Variants in SCN11A observed in about 807,000 individuals in gnomAD.
SCN11A encodes sodium channel protein type 11 subunit alpha.
In SCN11A, 122 loss-of-function variants were observed where a neutral mutation model predicts 162.2. The observed-to-expected ratio is 0.75, with a 90% confidence interval of 0.65 to 0.87. The LOEUF is 0.87. Among genes scored for constraint, SCN11A ranks in the 40% least tolerant of loss-of-function variants. The pLI is 0.00. For synonymous variants in SCN11A, 758 were observed against 751.5 expected, an observed-to-expected ratio of 1.01 and a Z score of -0.14; for missense variants, 2,015 against 2,181.6, an observed-to-expected ratio of 0.92 and a Z score of 1.52.
intron 7 of SCN11A, among the ~76,000 whole-genome samples, chr3:38,942,734 T>C (rs570226187): frequency 3.3e-5 from 5 of 152,228 alleles, no homozygotes; most frequent in African/African-American, 1.2e-4. Context: ...CTTTATACAA[T>C]TGTATAAGAA....
At chr3:39,000,300 TGTCTGGGTTGGTGTGG>T (rs2030770905) in intron 2 of SCN11A, among the ~76,000 whole-genome samples, 1 of 152,216 alleles carries the variant, frequency 6.6e-6, no homozygotes, top group African/African-American at 2.4e-5. Flanking sequence ...CTTTGATTTG[TGTCTGGGTTGGTGTGG>T]ACTGGGTAGA....
intron 23 of SCN11A, among the ~76,000 whole-genome samples, chr3:38,873,005 G>C (rs970752828): frequency 2.6e-5 from 4 of 152,016 alleles, no homozygotes; most frequent in Non-Finnish European, 5.9e-5. Flanking sequence ...CTCCTTATTG[G>C]GGAATTAAAT....
intron 8 of SCN11A, among the ~76,000 whole-genome samples, chr3:38,926,445 T>C (rs2125553687): frequency 6.6e-6 from 1 of 152,314 alleles, no homozygotes; most frequent in South Asian, 2.1e-4. Flanking sequence ...ATTGTTACTT[T>C]TCCCCTCTGG....
chr3:38,952,680 G>A (rs1017497836), intron 4 of SCN11A, among the ~76,000 whole-genome samples: 1 of 152,230 alleles, frequency 6.6e-6, no homozygotes, highest in Non-Finnish European at 1.5e-5. Flanking sequence ...TAGGATAGGC[G>A]TCTCAACAGG....
chr3:38,846,445 T>C lies in SCN11A; in HGVS notation c.*249A>G. The C allele has an allele frequency of 1.2e-5, 6 of 484,508 alleles. 1 individual carries two copies. The highest frequency in any genetic ancestry group is 2.2e-5 in the Non-Finnish European group (6 of 270,014). The allele number at this position is 484,508 out of a possible 1,614,324, so 30.0% of individuals were successfully genotyped here. ...TTCAATCCTAAAATTGGTATGTCCT[T>C]TTACAGTCCTTCCTGGTGTCTTCTT... On this transcript the variant is annotated 3_prime_UTR_variant, in exon 30 of 30. Coordinates refer to ENST00000302328, the MANE Select transcript of SCN11A (RefSeq NM_001349253.2).
chr3:39,028,391 T>C (rs971440722), intron 2 of SCN11A, among the ~76,000 whole-genome samples: 5 of 152,248 alleles, frequency 3.3e-5, no homozygotes, highest in Non-Finnish European at 7.3e-5. Context: ...TAGATGCTTA[T>C]AACTAGTTCT....
chr3:38,953,118 T>C (rs1291136226), intron 4 of SCN11A, among the ~76,000 whole-genome samples: 1 of 152,010 alleles, frequency 6.6e-6, no homozygotes, highest in Non-Finnish European at 1.5e-5. Flanking sequence ...GGCAGGGATA[T>C]GGATGGAGCT....
At chr3:38,920,432 C>T (rs769348682) in intron 10 of SCN11A, among the ~76,000 whole-genome samples, 1 of 152,120 alleles carries the variant, frequency 6.6e-6, no homozygotes, top group Non-Finnish European at 1.5e-5. Context: ...GTGGCTCACG[C>T]CTGTAATCCC....
At chr3:38,962,920 T>C (rs1355650325) in intron 2 of SCN11A, among the ~76,000 whole-genome samples, 1 of 151,762 alleles carries the variant, frequency 6.6e-6, no homozygotes, top group African/African-American at 2.4e-5. Context: ...TCTCAAAAGA[T>C]ATACAAATGG....
chr3:38,884,046 C>T (rs944462872), intron 21 of SCN11A, among the ~76,000 whole-genome samples: 1 of 152,108 alleles, frequency 6.6e-6, no homozygotes, highest in African/African-American at 2.4e-5. Context: ...CCACATTGCC[C>T]TTTCCACCTT....
At chr3:38,913,843 T>C (rs896510103) in intron 11 of SCN11A, among the ~76,000 whole-genome samples, 1 of 152,180 alleles carries the variant, frequency 6.6e-6, no homozygotes, top group African/African-American at 2.4e-5. Flanking sequence ...TTCTGTACAT[T>C]GATCTATATG....
chr3:38,979,921 A>T (rs1018024063), intron 2 of SCN11A, among the ~76,000 whole-genome samples: 1 of 152,204 alleles, frequency 6.6e-6, no homozygotes, highest in Non-Finnish European at 1.5e-5. Flanking sequence ...CCCTTAGTGC[A>T]GACCCCACCC....
chr3:38,869,188 C>T (rs145572906), intron 26 of SCN11A, among the ~76,000 whole-genome samples: 212 of 152,198 alleles, frequency 1.4e-3, no homozygotes, highest in African/African-American at 5.0e-3. Flanking sequence ...CACTTCCACC[C>T]ACCTGTCACT....
At chr3:38,850,827 A>G (rs990170194) in intron 28 of SCN11A, 76 bp from the exon 29 acceptor site, 1 of 1,272,366 alleles carries the variant, frequency 7.9e-7, no homozygotes, top group African/African-American at 1.5e-5. Context: ...ACATAAATAC[A>G]ACAGAATTTG....
chr3:38,870,286 T>G (rs2065104279), intron 26 of SCN11A, among the ~76,000 whole-genome samples: 1 of 152,190 alleles, frequency 6.6e-6, no homozygotes, highest in South Asian at 2.1e-4. Context: ...AGGGTCTCCC[T>G]TGCAAATTTA....
At chr3:38,986,816 G>A (rs913708190) in intron 2 of SCN11A, among the ~76,000 whole-genome samples, 3 of 152,108 alleles carry the variant, frequency 2.0e-5, no homozygotes, top group African/African-American at 7.2e-5. Flanking sequence ...TTGCAGCCTG[G>A]CCATGCAGAG....
At chr3:38,893,335 C>T (rs1166155506) in intron 19 of SCN11A, among the ~76,000 whole-genome samples, 4 of 152,056 alleles carry the variant, frequency 2.6e-5, no homozygotes, top group African/African-American at 7.2e-5. Context: ...AACATATATA[C>T]ACACCTAACA....
At chr3:38,876,536 A>C (rs2065209285) in intron 23 of SCN11A, among the ~76,000 whole-genome samples, 1 of 152,134 alleles carries the variant, frequency 6.6e-6, no homozygotes. Context: ...ATTCTATCCA[A>C]AAGTGGGCAA....
intron 28 of SCN11A, among the ~76,000 whole-genome samples, chr3:38,857,574 T>C (rs2064890503): frequency 6.6e-6 from 1 of 152,070 alleles, no homozygotes; most frequent in Non-Finnish European, 1.5e-5. Flanking sequence ...AAAACTTATC[T>C]GAAGAAATAA....
Sources: gnomAD v4.1 joint callset for allele counts (sites outside exome capture counted in the v4.1 genomes callset) on GRCh38, gnomAD v4.1.1 for gene constraint, MANE v1.5 for transcripts, NCBI Gene and HGNC (gene_info 2026-07-23, HGNC 2026-07-21) for gene names.